The following GPD2 variants were observed in gnomAD, a reference collection of about 807,000 sequenced individuals.
The protein encoded by GPD2 is glycerol-3-phosphate dehydrogenase 2.
A neutral mutation model predicts 82.4 loss-of-function variants in GPD2; 54 were observed. That is an observed-to-expected ratio of 0.66 (90% CI 0.53 to 0.82). The LOEUF (loss-of-function observed/expected upper bound fraction) is 0.82. Ranked by LOEUF, GPD2 falls within the 40% of genes least tolerant of loss-of-function variation. The probability of loss-of-function intolerance (pLI) is 0.00; values close to 1 mark genes in which losing one functional copy is unlikely to be tolerated. For synonymous variants in GPD2, 288 were observed against 306.1 expected (o/e 0.94, Z 0.62); for missense variants, 748 against 896.2 (o/e 0.83, Z 2.11).
rs60643688 is a variant in GPD2, at chr2:156,493,958, G to GTGTATA, written c.103-2085_103-2084insGTATAT. Among the ~76,000 whole-genome samples, 812 of 143,516 alleles carry GTGTATA rather than the reference G, an allele frequency of 5.7e-3. 7 individuals are homozygous for GTGTATA. The highest frequency in any genetic ancestry group is 9.0e-3 in the Non-Finnish European group (599 of 66,382). 94.2% of individuals were successfully genotyped at this position (143,516 alleles called of 152,430 possible). Reference sequence around the variant, plus strand: ...TGTGTGTGTGTGTGTGTGTGTGTGTGTATAATTTTTTTCCTCATTAGATGG... The same window carrying GTGTATA: ...TGTGTGTGTGTGTGTGTGTGTGTGTGTGTATATATAATTTTTTTCCTCATTAGATGG... On this transcript the variant is annotated intron_variant, in intron 2 of 16. Transcript: ENST00000438166.
chr2:156,433,885 C>T (rs954173793), upstream of GPD2, among the ~76,000 whole-genome samples: 2 of 152,148 alleles, frequency 1.3e-5, no homozygotes, highest in Non-Finnish European at 2.9e-5. Context: ...ATTTCCCAAG[C>T]ACTGAACTGA....
intron 2 of GPD2, among the ~76,000 whole-genome samples, chr2:156,488,272 C>T (rs574679455): frequency 6.6e-6 from 1 of 152,218 alleles, no homozygotes; most frequent in African/African-American, 2.4e-5. Context: ...TGAATAAAGG[C>T]CTTTAAAACA....
intron 6 of GPD2, among the ~76,000 whole-genome samples, chr2:156,528,359 T>G (rs1273692052): frequency 3.9e-5 from 6 of 151,938 alleles, no homozygotes; most frequent in African/African-American, 1.2e-4. Flanking sequence ...TCCTTAAGTA[T>G]GAGCAAAGAG....
intron 2 of GPD2, among the ~76,000 whole-genome samples, chr2:156,485,730 G>A (rs754689389): frequency 6.6e-6 from 1 of 152,050 alleles, no homozygotes; most frequent in East Asian, 1.9e-4. Context: ...TATTCTAGTG[G>A]GTCTGCCATG....
intron 1 of GPD2, among the ~76,000 whole-genome samples, chr2:156,438,871 G>C (rs2105133582): frequency 6.6e-6 from 1 of 152,328 alleles, no homozygotes; most frequent in Middle Eastern, 3.4e-3. Context: ...AACAATTGGA[G>C]ACCAACATAA....
At chr2:156,470,625 A>T (rs1683296847) in intron 1 of GPD2, among the ~76,000 whole-genome samples, 1 of 152,206 alleles carries the variant, frequency 6.6e-6, no homozygotes, top group Non-Finnish European at 1.5e-5. Flanking sequence ...AGGAAGTGCG[A>T]TCTGGTTCTG....
chr2:156,571,208 A>G lies in GPD2; in HGVS notation c.1683A>G (p.Leu561=), dbSNP rs1687602653. The change falls in exon 13 of 17, where the codon CTA becomes CTG. Residue 561 remains leucine, a synonymous_variant. Transcript: ENST00000438166. ...MISRRTRLAF[L]NVQAAEEALP... ...CACGTCGTACTCGCCTGGCCTTTCTAAATGTCCAGGCAGCAGAGGAAGCCC... is the reference window on the plus strand; with the variant it reads ...CACGTCGTACTCGCCTGGCCTTTCTGAATGTCCAGGCAGCAGAGGAAGCCC... The G allele has an allele frequency of 1.2e-6, 2 of 1,609,978 alleles. No homozygotes were observed. The highest frequency in any genetic ancestry group is 8.5e-7 in the Non-Finnish European group (1 of 1,176,324).
intron 6 of GPD2, among the ~76,000 whole-genome samples, chr2:156,535,778 T>C (rs1480915820): frequency 6.6e-6 from 1 of 152,192 alleles, no homozygotes; most frequent in African/African-American, 2.4e-5. Flanking sequence ...CCCAACTGGT[T>C]TATGTCAGCA....
chr2:156,544,457 A>C (rs1347096), intron 6 of GPD2, among the ~76,000 whole-genome samples: 104,844 of 152,034 alleles, frequency 0.69, 36,334 homozygotes, highest in Middle Eastern at 0.81. Flanking sequence ...GCATGGCTAC[A>C]GGGAGGGGTG....
chr2:156,461,580 A>G (rs185671897), intron 1 of GPD2, among the ~76,000 whole-genome samples: 9 of 151,884 alleles, frequency 5.9e-5, no homozygotes, highest in Non-Finnish European at 8.8e-5. Flanking sequence ...GGGTCTCACT[A>G]TGTTACCCAG....
At chr2:156,415,531 T>C in the GPD2 span, among the ~76,000 whole-genome samples, 1 of 152,010 alleles carries the variant, frequency 6.6e-6, no homozygotes, top group African/African-American at 2.4e-5. Context: ...CAATGTTTGG[T>C]TTTCCATTCC....
the GPD2 span, among the ~76,000 whole-genome samples, chr2:156,413,768 G>A: frequency 6.6e-6 from 1 of 151,884 alleles, no homozygotes; most frequent in East Asian, 1.9e-4. Context: ...GCCAGGCGTG[G>A]TGGCGCATGC....
At chr2:156,472,362 C>A (rs1235733030) in intron 1 of GPD2, among the ~76,000 whole-genome samples, 1 of 152,032 alleles carries the variant, frequency 6.6e-6, no homozygotes, top group Non-Finnish European at 1.5e-5. Flanking sequence ...ACTCTGTCAC[C>A]CAGACTGGAG....
intron 13 of GPD2, among the ~76,000 whole-genome samples, chr2:156,577,923 CA>C: frequency 6.6e-6 from 1 of 152,180 alleles, no homozygotes; most frequent in South Asian, 2.1e-4. Context: ...AGCTTTTACT[CA>C]AAAGTAGCAT....
At chr2:156,575,478 C>T (rs892744840) in intron 13 of GPD2, among the ~76,000 whole-genome samples, 10 of 145,880 alleles carry the variant, frequency 6.9e-5, no homozygotes, top group African/African-American at 2.3e-4. Context: ...TCATGGCTCA[C>T]TACAGCCTCA....
chr2:156,515,613 T>G (rs369548743), intron 6 of GPD2, among the ~76,000 whole-genome samples: 2 of 152,336 alleles, frequency 1.3e-5, no homozygotes, highest in East Asian at 3.9e-4. Flanking sequence ...TAATCTAGAA[T>G]TGATCTTTAT....
At chr2:156,480,277 G>T (rs932260297) in intron 2 of GPD2, among the ~76,000 whole-genome samples, 1 of 152,160 alleles carries the variant, frequency 6.6e-6, no homozygotes, top group East Asian at 1.9e-4. Context: ...GAGCATTAAA[G>T]TCAGGGCTCC....
chr2:156,567,262 G>T (rs781745729), intron 9 of GPD2, among the ~76,000 whole-genome samples: 1 of 151,912 alleles, frequency 6.6e-6, no homozygotes, highest in African/African-American at 2.4e-5. Flanking sequence ...TCACATCCAA[G>T]AAACTATTGA....
At chr2:156,487,663 T>C (rs1401765426) in intron 2 of GPD2, among the ~76,000 whole-genome samples, 2 of 152,206 alleles carry the variant, frequency 1.3e-5, no homozygotes, top group Non-Finnish European at 2.9e-5. Context: ...GGAGCTAATG[T>C]TAGGGGTGTG....
Sources: allele counts gnomAD v4.1 joint callset (sites outside exome capture counted in the v4.1 genomes callset), GRCh38; gene constraint gnomAD v4.1.1; transcripts MANE v1.5; gene names NCBI Gene and HGNC (gene_info 2026-07-23, HGNC 2026-07-21).